N4BP2L2: variants seen among roughly 807,000 people sequenced by gnomAD.
The protein encoded by N4BP2L2 is NEDD4-binding protein 2-like 2.
N4BP2L2 carries 50 observed loss-of-function variants against 56.2 expected under a neutral mutation model. The observed-to-expected ratio is 0.89, with a 90% CI of 0.71 to 1.13. The LOEUF is 1.13. Ranked by LOEUF, N4BP2L2 falls within the 50% of genes most tolerant of loss-of-function variation. The pLI is 0.00. For synonymous variants in N4BP2L2, 203 were observed against 223.6 expected (o/e 0.91, Z 0.82); for missense variants, 689 against 693.8 (o/e 0.99, Z 0.08).
At chr13:32,502,022 G>A in intron 6 of N4BP2L2, among the ~76,000 whole-genome samples, 1 of 148,618 alleles carries the variant, frequency 6.7e-6, no homozygotes, top group Non-Finnish European at 1.5e-5. Context: ...ATTCGATAAT[G>A]AAAAAAATCA....
chr13:32,459,502 T>C (rs2079610292), intron 6 of N4BP2L2, among the ~76,000 whole-genome samples: 1 of 152,048 alleles, frequency 6.6e-6, no homozygotes, highest in African/African-American at 2.4e-5. Flanking sequence ...TGAAAAACTA[T>C]ATGCTAACAA....
At chr13:32,441,888 A>AAAAC (rs2076424370) in intron 7 of N4BP2L2, among the ~76,000 whole-genome samples, 1 of 138,844 alleles carries the variant, frequency 7.2e-6, no homozygotes, top group Non-Finnish European at 1.6e-5. Flanking sequence ...CTAAAAATAC[A>AAAAC]AAATAAATAA....
At chr13:32,445,159 G>T (rs965295799) in intron 6 of N4BP2L2, among the ~76,000 whole-genome samples, 3 of 152,018 alleles carry the variant, frequency 2.0e-5, no homozygotes, top group Admixed American at 1.3e-4. Context: ...CCAGAGACAG[G>T]ACAATCACTT....
chr13:32,434,516 C>G (rs1193003441), intron 9 of N4BP2L2, among the ~76,000 whole-genome samples: 1 of 152,152 alleles, frequency 6.6e-6, no homozygotes, highest in Non-Finnish European at 1.5e-5. Context: ...GGGTCACACA[C>G]AGCTAGTCAG....
At chr13:32,506,989 T>C (rs2091062455), downstream of N4BP2L2, 2 of 152,056 alleles carry the variant, frequency 1.3e-5, no homozygotes, top group South Asian at 4.1e-4. Context: ...AATATCGTAT[T>C]TCCTGACCTG....
chr13:32,475,094 A>G (rs60930879), intron 6 of N4BP2L2, among the ~76,000 whole-genome samples: 8,731 of 152,290 alleles, frequency 0.057, 846 homozygotes, highest in African/African-American at 0.2. Context: ...ATTTCAAAGC[A>G]TTCTCATATT....
chr13:32,439,115 C>T (rs2075881379), intron 7 of N4BP2L2, among the ~76,000 whole-genome samples: 1 of 152,188 alleles, frequency 6.6e-6, no homozygotes. Flanking sequence ...CATTCTTTTT[C>T]CCTTGTACAA....
chr13:32,476,614 G>A (rs2083369243), intron 6 of N4BP2L2, among the ~76,000 whole-genome samples: 2 of 152,050 alleles, frequency 1.3e-5, no homozygotes, highest in East Asian at 3.9e-4. Context: ...TTTTATCCAA[G>A]GGCTCAAAAA....
chr13:32,436,112 C>A (rs990394346), intron 9 of N4BP2L2, among the ~76,000 whole-genome samples: 1 of 151,870 alleles, frequency 6.6e-6, no homozygotes, highest in African/African-American at 2.4e-5. Context: ...ATGTTCTAAC[C>A]AATAAAGTGG....
chr13:32,494,201 T>C (rs1360972590), intron 6 of N4BP2L2, among the ~76,000 whole-genome samples: 3 of 152,032 alleles, frequency 2.0e-5, no homozygotes, highest in African/African-American at 4.8e-5. Flanking sequence ...GAGAATCTCT[T>C]GAACCTGGGA....
chr13:32,443,682 T>TA lies in N4BP2L2; in HGVS notation c.809dup (p.Thr271AsnfsTer3). 6.2e-7 allele frequency: 1 copy of TA among 1,608,138 alleles called. No homozygotes were observed. Among genetic ancestry groups the TA allele is most frequent in the Non-Finnish European group, 8.5e-7 (1 of 1,178,004 alleles). The stretch of plus-strand genomic sequence containing the variant: ...TCATGCCAGAGCAGTCATCAGTTGT[T>TA]ACACAGGAAAGGTTTTGAGTCAGTA... On this transcript the variant is annotated frameshift_variant, in exon 7 of 10. Transcript: ENST00000357505. LOFTEE classifies it high-confidence loss of function.
At chr13:32,506,259 T>C (rs979740379), downstream of N4BP2L2, 5 of 152,166 alleles carry the variant, frequency 3.3e-5, no homozygotes, top group African/African-American at 1.2e-4. Flanking sequence ...TCATATGGAA[T>C]TGGAGTCCAC....
rs553486761 is a variant in N4BP2L2 at position 32,455,753 on chromosome 13, A to G, written c.366-11627T>C. 1.2e-3 allele frequency among the ~76,000 whole-genome samples: 177 copies of G among 152,178 alleles called. 2 individuals are homozygous for G. Among genetic ancestry groups the G allele is most frequent in the East Asian group, 5.6e-3 (29 of 5,170 alleles). ...AAGCCCACTACCCTGGGGCCTGAGG[A>G]TTGCCCCACCCTATCCACCACTGGC... On this transcript the variant is annotated intron_variant, in intron 6 of 9. Transcript: ENST00000357505.
chr13:32,504,521 C>T (rs546891054), intron 6 of N4BP2L2: 5 of 152,258 alleles, frequency 3.3e-5, no homozygotes, highest in East Asian at 3.9e-4. Flanking sequence ...TTTTTAAAGG[C>T]CCCATCTCCA....
downstream of N4BP2L2, among the ~76,000 whole-genome samples, chr13:32,509,746 T>G (rs964979590): frequency 2.0e-5 from 3 of 152,232 alleles, no homozygotes; most frequent in African/African-American, 7.2e-5. Context: ...ACCAGTTTCC[T>G]GAATTGAAAA....
At chr13:32,467,402 C>T (rs1031111850) in intron 6 of N4BP2L2, among the ~76,000 whole-genome samples, 4 of 151,762 alleles carry the variant, frequency 2.6e-5, no homozygotes, top group African/African-American at 4.8e-5. Flanking sequence ...GGACTACAGG[C>T]GAGCACCACC....
intron 2 of N4BP2L2, among the ~76,000 whole-genome samples, chr13:32,531,038 A>G (rs1300457840): frequency 6.6e-6 from 1 of 152,200 alleles, no homozygotes; most frequent in African/African-American, 2.4e-5. Context: ...CCAGCAAGGA[A>G]CTGAAGTCTT....
intron 3 of N4BP2L2, 110 bp downstream of exon 3, chr13:32,527,298 C>T (rs929987513): frequency 1.5e-5 from 18 of 1,172,602 alleles, no homozygotes; most frequent in African/African-American, 3.1e-5. Context: ...GCTATTTAAA[C>T]GGCTTGCCTA....
intron 6 of N4BP2L2, among the ~76,000 whole-genome samples, chr13:32,502,722 T>C (rs1354889652): frequency 1.3e-5 from 2 of 152,192 alleles, no homozygotes; most frequent in Non-Finnish European, 2.9e-5. Flanking sequence ...TCTGTCTCCC[T>C]CTGCTCTTTA....
Sources: gnomAD v4.1 joint callset for allele counts (sites outside exome capture counted in the v4.1 genomes callset) on GRCh38, gnomAD v4.1.1 for gene constraint, MANE v1.5 for transcripts, NCBI Gene and HGNC (gene_info 2026-07-23, HGNC 2026-07-21) for gene names.